Variants in HSPA4L observed in about 807,000 individuals in gnomAD.
HSPA4L encodes the protein heat shock 70 kDa protein 4L.
Under a neutral mutation model 100.3 loss-of-function variants are expected in HSPA4L, and 48 were observed. The observed-to-expected ratio is 0.48, with a 90% CI of 0.38 to 0.61. HSPA4L has a LOEUF of 0.61. Among genes scored for constraint, HSPA4L ranks in the 20% least tolerant of loss-of-function variants. HSPA4L has a pLI of 0.00. For synonymous variants in HSPA4L, 319 were observed against 328.2 expected, an observed-to-expected ratio of 0.97 and a Z score of 0.30; for missense variants, 886 against 988.6, an observed-to-expected ratio of 0.90 and a Z score of 1.39.
At chr4:127,818,567 T>TAAA (rs1733733622) in intron 13 of HSPA4L, 147 bp downstream of exon 13, 8 of 497,584 alleles carry the variant, frequency 1.6e-5, no homozygotes, top group Non-Finnish European at 2.1e-5. Context: ...TAAATATACT[T>TAAA]TAATGATTTA....
intron 3 of HSPA4L, 63 bp from the exon 4 acceptor site, chr4:127,798,524 C>T: frequency 6.5e-7 from 1 of 1,529,434 alleles, no homozygotes; most frequent in East Asian, 2.3e-5. Context: ...ACAGTAGGTG[C>T]TCACTGAATA....
chr4:127,801,950 T>G (rs775526474), intron 6 of HSPA4L, 32 bp downstream of exon 6: 1 of 1,550,896 alleles, frequency 6.4e-7, no homozygotes, highest in African/African-American at 1.4e-5. Flanking sequence ...TATATTTACA[T>G]ATGTTAAGAA....
At chr4:127,825,559 C>A (rs929551098) in intron 16 of HSPA4L, among the ~76,000 whole-genome samples, 1 of 152,004 alleles carries the variant, frequency 6.6e-6, no homozygotes, top group Admixed American at 6.6e-5. Context: ...ATTAGAAAAC[C>A]TAAGTTTATG....
In HSPA4L at chr4:127,830,816, A is replaced by G; in HGVS notation, c.2328+17A>G. The G allele has an allele frequency of 6.6e-7, 1 of 1,513,952 alleles. No homozygotes were observed. The allele number at this position is 1,513,952 out of a possible 1,614,324, so 93.8% of individuals were successfully genotyped here. ...AAGTCAAAGGTAAGAAGTTTATGAA[A>G]TTGCCTTTTTAATGGTTTCAAGTAT... is the stretch of plus-strand genomic sequence containing the variant. On this transcript the variant is annotated intron_variant, in intron 18 of 18. Transcript: ENST00000296464.
intron 18 of HSPA4L, among the ~76,000 whole-genome samples, chr4:127,831,095 T>C (rs987452546): frequency 3.9e-5 from 6 of 152,188 alleles, no homozygotes; most frequent in Non-Finnish European, 8.8e-5. Flanking sequence ...CTCTAAGTCT[T>C]CATTACAAAA....
chr4:127,783,378 G>A, intron 1 of HSPA4L: 1 of 438,118 alleles, frequency 2.3e-6, no homozygotes, highest in Non-Finnish European at 3.0e-6. Context: ...GGGTTGGGTC[G>A]GACCAAAAGC....
chr4:127,829,271 G>A (rs936447652), intron 17 of HSPA4L, among the ~76,000 whole-genome samples: 2 of 152,138 alleles, frequency 1.3e-5, no homozygotes, highest in African/African-American at 4.8e-5. Flanking sequence ...GTTGAAAATA[G>A]GGGTAAGTGT....
rs1733414658 is a variant in HSPA4L, at chr4:127,808,102, G to C, written c.1351G>C (p.Glu451Gln). 1 of 1,611,120 alleles carries C rather than the reference G, an allele frequency of 6.2e-7. No homozygotes were observed. Among genetic ancestry groups the C allele is most frequent in the Admixed American group, 1.7e-5 (1 of 59,408 alleles). ...ELEAFYTNLH[E>Q]VPYPDARIGS... ...AGAAGCATTTTATACTAATTTACAT[G>C]AAGTGCCTTATCCTGATGCAAGAAT... The change falls in exon 11 of 19, where the codon GAA becomes CAA. Residue 451 changes from glutamate (E) to glutamine (Q), a missense_variant. Transcript: ENST00000296464.
intron 16 of HSPA4L, among the ~76,000 whole-genome samples, chr4:127,823,917 T>C (rs1297730893): frequency 6.6e-6 from 1 of 152,212 alleles, no homozygotes; most frequent in Non-Finnish European, 1.5e-5. Context: ...GTATATATGG[T>C]AACTGTGGTT....
intron 12 of HSPA4L, among the ~76,000 whole-genome samples, chr4:127,815,788 CATATAA>C (rs1234070587): frequency 1.3e-5 from 2 of 152,030 alleles, no homozygotes; most frequent in African/African-American, 2.4e-5. Flanking sequence ...AAAAAGATAG[CATATAA>C]ATATAAAGGA....
chr4:127,785,243 G>T (rs942651226), intron 1 of HSPA4L, among the ~76,000 whole-genome samples: 1 of 152,130 alleles, frequency 6.6e-6, no homozygotes, highest in African/African-American at 2.4e-5. Context: ...AAATTAACCT[G>T]CATAAATTGA....
At chr4:127,811,725 A>C in intron 12 of HSPA4L, 89 bp downstream of exon 12, 1 of 935,220 alleles carries the variant, frequency 1.1e-6, no homozygotes, top group African/African-American at 1.7e-5. Flanking sequence ...AGTTGAATAC[A>C]TTACTCTCTG....
At position 127,818,566 on chromosome 4, in the gene HSPA4L, T is replaced by G. The variant is rs1347716017; in HGVS notation, c.1674+146T>G. The stretch of plus-strand genomic sequence containing the variant: ...AAGCTGATAGCCAGAATAAATATAC[T>G]TTAATGATTTATTAAGAGTTGTGTT... On this transcript the variant is annotated intron_variant, in intron 13 of 18. Coordinates refer to ENST00000296464, the MANE Select transcript of HSPA4L (RefSeq NM_014278.4). 1.0e-5 allele frequency: 5 copies of G among 497,538 alleles called. No homozygotes were observed. The East Asian group carries it at 1.6e-4, about 16-fold the overall frequency. 30.8% of individuals were successfully genotyped at this position (497,538 alleles called of 1,614,324 possible). A position where few individuals can be genotyped will look rare whatever the true frequency, so the allele number is the denominator to read the frequency against.
At chr4:127,798,360 A>G (rs574830801) in intron 3 of HSPA4L, among the ~76,000 whole-genome samples, 4 of 152,308 alleles carry the variant, frequency 2.6e-5, no homozygotes, top group African/African-American at 7.2e-5. Context: ...TTTTGAAAAT[A>G]CTTTGGTTAT....
rs1386478382 is a variant in HSPA4L, at chr4:127,840,386, A to C, written c.*7512A>C. The stretch of plus-strand genomic sequence containing the variant: ...TCAGTTTGTTTTCAATACAAACAGC[A>C]ACCACTGAAATGCAGAAAATGGTAA... On this transcript the variant is annotated 3_prime_UTR_variant, in exon 19 of 19. Transcript: ENST00000296464. 1.3e-5 allele frequency: 2 copies of C among 152,240 alleles called. No homozygotes were observed. Among genetic ancestry groups the C allele is most frequent in the African/African-American group, 4.8e-5 (2 of 41,462 alleles). The allele number at this position is 152,240 out of a possible 1,614,324, so 9.4% of individuals were successfully genotyped here.
chr4:127,822,596 A>G (rs1430807628), intron 14 of HSPA4L, among the ~76,000 whole-genome samples, 173 bp from the exon 15 acceptor site: 1 of 152,110 alleles, frequency 6.6e-6, no homozygotes, highest in Non-Finnish European at 1.5e-5. Flanking sequence ...TGGCTGCAGC[A>G]TTTTACATTC....
Position 127,820,338 on chromosome 4 carries a change from A to G in HSPA4L, c.1675-90A>G, listed in dbSNP as rs72616953. 0.029 allele frequency: 30,659 copies of G among 1,075,064 alleles called. 2,153 individuals carry two copies. The East Asian group carries it at 0.3, about 11-fold the overall frequency. The allele number at this position is 1,075,064 out of a possible 1,614,324, so 66.6% of individuals were successfully genotyped here. A position where few individuals can be genotyped will look rare whatever the true frequency, so the allele number is the denominator to read the frequency against. On this transcript the variant is annotated intron_variant, in intron 13 of 18. Transcript: ENST00000296464. ...TACTTTAAAATAAATATAACAGATC[A>G]TAATCGTTTTGATTTTACTTTCTGT...
At chr4:127,788,520 A>G (rs1732780421) in intron 1 of HSPA4L, among the ~76,000 whole-genome samples, 1 of 152,188 alleles carries the variant, frequency 6.6e-6, no homozygotes, top group Admixed American at 6.5e-5. Context: ...GTTCATAAGC[A>G]TTGAAATTCT....
chr4:127,807,473 G>C (rs1733391762), intron 10 of HSPA4L, among the ~76,000 whole-genome samples: 1 of 151,966 alleles, frequency 6.6e-6, no homozygotes, highest in East Asian at 1.9e-4. Context: ...GGTTGGTTCA[G>C]GAAAAATATA....
Sources: allele counts gnomAD v4.1 joint callset (sites outside exome capture counted in the v4.1 genomes callset), GRCh38; gene constraint gnomAD v4.1.1; transcripts MANE v1.5; gene names NCBI Gene and HGNC (gene_info 2026-07-23, HGNC 2026-07-21).